Variants in VSTM1 observed in about 807,000 individuals in gnomAD.
The protein encoded by VSTM1 is V-set and transmembrane domain-containing protein 1.
Under a neutral mutation model 33.1 loss-of-function variants are expected in VSTM1, and 27 were observed. The observed-to-expected ratio is 0.82, with a 90% CI of 0.60 to 1.12. The LOEUF (loss-of-function observed/expected upper bound fraction) is 1.12. VSTM1 is among the 50% of genes most tolerant of loss of function. VSTM1 has a pLI of 0.00. For missense variants in VSTM1, 304 were observed against 288.9 expected (o/e 1.05, Z -0.38); for synonymous variants, 115 against 110.3 (o/e 1.04, Z -0.27).
chr19:54,055,719 G>C lies in VSTM1; in HGVS notation c.355+2587C>G, dbSNP rs1294094622. On this transcript the variant is annotated intron_variant, in intron 3 of 8. Coordinates refer to ENST00000338372, the MANE Select transcript of VSTM1 (RefSeq NM_198481.4). The stretch of plus-strand genomic sequence containing the variant: ...ACAATACATTCGGTTCCATTGTATG[G>C]AGTGAGACATCGAAGTGTCCTGAGA... 1.4e-5 allele frequency: 2 copies of C among 142,734 alleles called. 1 individual carries two copies. The highest frequency in any genetic ancestry group is 5.2e-5 in the African/African-American group (2 of 38,544). The allele number at this position is 142,734 out of a possible 1,614,324, so 8.8% of individuals were successfully genotyped here.
intron 4 of VSTM1, among the ~76,000 whole-genome samples, chr19:54,049,678 G>A (rs1047292848): frequency 6.6e-5 from 10 of 152,192 alleles, no homozygotes; most frequent in East Asian, 3.9e-4. Context: ...CGTTCCTGAC[G>A]TGAATTGTGT....
chr19:54,059,215 C>G (rs1367822603), intron 1 of VSTM1, among the ~76,000 whole-genome samples: 4 of 151,888 alleles, frequency 2.6e-5, no homozygotes, highest in Non-Finnish European at 5.9e-5. Flanking sequence ...CACCCGCCAC[C>G]ACACCTGGCT....
At chr19:54,041,857 A>T (rs1194607681) in intron 7 of VSTM1, 41 bp from the exon 8 acceptor site, 2 of 1,613,486 alleles carry the variant, frequency 1.2e-6, no homozygotes, top group Non-Finnish European at 1.7e-6. Context: ...TCTCAGCTGC[A>T]GAAGTCAGAA....
intron 2 of VSTM1, 43 bp from the exon 3 acceptor site, chr19:54,058,633 A>G (rs764193933): frequency 6.2e-7 from 1 of 1,613,654 alleles, no homozygotes; most frequent in African/African-American, 1.3e-5. Flanking sequence ...AATTCAGACG[A>G]TTAAAGGAAA....
At chr19:54,062,721 CAAAAA>C (rs35069136) in intron 1 of VSTM1, among the ~76,000 whole-genome samples, 3 of 135,368 alleles carry the variant, frequency 2.2e-5, no homozygotes, top group Non-Finnish European at 4.7e-5. Context: ...AAGACTCTGT[CAAAAA>C]AAAAAAAAAA....
chr19:54,061,827 A>G (rs1372504837), intron 1 of VSTM1, among the ~76,000 whole-genome samples: 3 of 151,946 alleles, frequency 2.0e-5, no homozygotes, highest in African/African-American at 2.4e-5. Flanking sequence ...AAAAGAAAAA[A>G]AAAAACAGAG....
intron 4 of VSTM1, among the ~76,000 whole-genome samples, chr19:54,045,575 TATC>T (rs1430908519): frequency 2.0e-5 from 3 of 151,964 alleles, no homozygotes; most frequent in African/African-American, 7.3e-5. Context: ...TTACCAAATC[TATC>T]ATCTATCTAA....
At chr19:54,044,054 A>T (rs1464775645) in intron 4 of VSTM1, among the ~76,000 whole-genome samples, 1 of 151,960 alleles carries the variant, frequency 6.6e-6, no homozygotes, top group East Asian at 1.9e-4. Context: ...GGGAGTACAG[A>T]CCACCACGCC....
At chr19:54,062,083 G>A (rs923131632) in intron 1 of VSTM1, among the ~76,000 whole-genome samples, 11 of 151,884 alleles carry the variant, frequency 7.2e-5, no homozygotes, top group Non-Finnish European at 1.2e-4. Flanking sequence ...TTGAACCCAG[G>A]AGGTGGAGGT....
intron 3 of VSTM1, among the ~76,000 whole-genome samples, chr19:54,052,268 G>A (rs1164908966): frequency 6.7e-6 from 1 of 149,492 alleles, no homozygotes; most frequent in Non-Finnish European, 1.5e-5. Flanking sequence ...CGTGGTGGCG[G>A]GCCCCTGTAG....
In VSTM1 at chr19:54,042,301, T is replaced by C. The variant is rs773367212; in HGVS notation, c.463A>G (p.Ile155Val). ...CTGTGCTGGCTGCATCTGTAGATGATGAAGACTGAGAGGAAGAGGAGAAGG... is the reference window on the plus strand; with the variant it reads ...CTGTGCTGGCTGCATCTGTAGATGACGAAGACTGAGAGGAAGAGGAGAAGG... ...SILLLFLSVF[I>V]IYRCSQHSSS... Residue 155 changes from isoleucine (I) to valine (V), a missense_variant, in exon 5 of 9, where the codon ATC (isoleucine) becomes GTC (valine). Physicochemically the swap from Ile to Val is conservative, Grantham distance 29. Coordinates refer to ENST00000338372, the MANE Select transcript of VSTM1 (RefSeq NM_198481.4). 3.7e-6 allele frequency: 6 copies of C among 1,613,682 alleles called. No homozygotes were observed. In the African/African-American group the frequency reaches 6.7e-5, roughly 18 times the overall value.
At chr19:54,060,420 G>A (rs532078585) in intron 1 of VSTM1, among the ~76,000 whole-genome samples, 1 of 152,264 alleles carries the variant, frequency 6.6e-6, no homozygotes, top group South Asian at 2.1e-4. Flanking sequence ...CAGTGTCTCA[G>A]GACATTGGTT....
chr19:54,057,808 C>CAA (rs74589305), intron 3 of VSTM1, among the ~76,000 whole-genome samples: 59 of 116,984 alleles, frequency 5.0e-4, no homozygotes, highest in East Asian at 1.4e-3. Context: ...GACTCCCTCT[C>CAA]AAAAAAAAAA....
intron 1 of VSTM1, among the ~76,000 whole-genome samples, chr19:54,062,228 T>C (rs2071428017): frequency 6.6e-6 from 1 of 152,120 alleles, no homozygotes; most frequent in African/African-American, 2.4e-5. Context: ...TCCTTCATAG[T>C]TCTCAGAAGG....
chr19:54,055,020 G>T (rs1475877155), intron 3 of VSTM1, among the ~76,000 whole-genome samples: 1 of 140,264 alleles, frequency 7.1e-6, no homozygotes, highest in Admixed American at 7.3e-5. Context: ...TGGGTGAGTA[G>T]ATAAATGGGT....
intron 1 of VSTM1, among the ~76,000 whole-genome samples, chr19:54,063,160 A>T (rs1374263788): frequency 1.3e-5 from 2 of 152,040 alleles, no homozygotes; most frequent in Admixed American, 1.3e-4. Context: ...CAACATGGTG[A>T]AACCCCGTCT....
Position 54,055,294 on chromosome 19 carries a change from T to G in VSTM1, c.355+3012A>C, listed in dbSNP as rs551534672. On this transcript the variant is annotated intron_variant, in intron 3 of 8. Transcript: ENST00000338372. ...GGCATAATGAAATATAAATTTTCATTTATGTCTGAATAGCAACTGTGAAGC... is the reference window on the plus strand; with the variant it reads ...GGCATAATGAAATATAAATTTTCATGTATGTCTGAATAGCAACTGTGAAGC... Among the ~76,000 whole-genome samples, 7 of 141,976 alleles carry G rather than the reference T, an allele frequency of 4.9e-5. 1 individual carries two copies. Among genetic ancestry groups the G allele is most frequent in the African/African-American group, 1.8e-4 (7 of 38,516 alleles). 93.1% of individuals were successfully genotyped at this position (141,976 alleles called of 152,430 possible). A position where few individuals can be genotyped will look rare whatever the true frequency, so the allele number is the denominator to read the frequency against.
chr19:54,062,283 A>G (rs2071429791), intron 1 of VSTM1, among the ~76,000 whole-genome samples: 1 of 152,188 alleles, frequency 6.6e-6, no homozygotes. Context: ...TCATCTCCCC[A>G]ACTTAAAGCA....
At chr19:54,062,068 A>T (rs1233662212) in intron 1 of VSTM1, among the ~76,000 whole-genome samples, 2 of 150,526 alleles carry the variant, frequency 1.3e-5, no homozygotes, top group Admixed American at 1.3e-4. Flanking sequence ...AGGCAGGAGA[A>T]TTGATTGAAC....
Sources: gnomAD v4.1 joint callset for allele counts (sites outside exome capture counted in the v4.1 genomes callset) on GRCh38, gnomAD v4.1.1 for gene constraint, MANE v1.5 for transcripts, NCBI Gene and HGNC (gene_info 2026-07-23, HGNC 2026-07-21) for gene names.